CDK17: variants seen among roughly 807,000 people sequenced by gnomAD.
CDK17 encodes cyclin-dependent kinase 17.
Under a neutral mutation model 77.6 loss-of-function variants are expected in CDK17, and 24 were observed. The ratio of observed to expected loss-of-function variants is 0.31; its 90% CI spans 0.22 to 0.44. The LOEUF (loss-of-function observed/expected upper bound fraction) is 0.44. Ranked by LOEUF, CDK17 falls within the 20% of genes least tolerant of loss-of-function variation. The pLI is 1.00. For synonymous variants in CDK17, 203 were observed against 210.4 expected, an observed-to-expected ratio of 0.96 and a Z score of 0.30; for missense variants, 429 against 622.5, an observed-to-expected ratio of 0.69 and a Z score of 3.31.
intron 1 of CDK17, among the ~76,000 whole-genome samples, chr12:96,392,970 T>C (rs902659844): frequency 6.6e-6 from 1 of 152,182 alleles, no homozygotes; most frequent in African/African-American, 2.4e-5. Flanking sequence ...AATACAATAT[T>C]GAGGACGTAA....
At chr12:96,351,828 A>G (rs369629677) in intron 1 of CDK17, among the ~76,000 whole-genome samples, 1 of 152,334 alleles carries the variant, frequency 6.6e-6, no homozygotes, top group East Asian at 1.9e-4. Flanking sequence ...TATACCAATT[A>G]TGCTGAACAC....
intron 1 of CDK17, among the ~76,000 whole-genome samples, chr12:96,347,566 G>C (rs1295676959): frequency 8.5e-6 from 1 of 118,170 alleles, no homozygotes; most frequent in Non-Finnish European, 1.7e-5. Flanking sequence ...TCACAGAAAG[G>C]GGAAGGGAAG....
rs949365003 is a variant in CDK17 at position 96,368,813 on chromosome 12, G to T, written c.-30+31173C>A. The stretch of plus-strand genomic sequence containing the variant: ...AAAGAAGCTACTCTAAGACGGGGGG[G>T]GGGGGGGGGGGCACAATGAATAAGG... On this transcript the variant is annotated intron_variant, in intron 1 of 16. Coordinates refer to ENST00000261211, the MANE Select transcript of CDK17 (RefSeq NM_002595.5). Among the ~76,000 whole-genome samples the T allele has an allele frequency of 4.7e-4, 29 of 62,078 alleles. 3 individuals carry two copies. The highest frequency in any genetic ancestry group is 1.5e-3 in the African/African-American group (21 of 13,792). 40.7% of individuals were successfully genotyped at this position (62,078 alleles called of 152,430 possible).
chr12:96,399,322 T>A (rs1200044713), intron 1 of CDK17: 1 of 152,472 alleles, frequency 6.6e-6, no homozygotes. Context: ...ATCGGTTTGC[T>A]GGGTTTCCCA....
intron 1 of CDK17, among the ~76,000 whole-genome samples, chr12:96,353,202 C>T (rs1456042155): frequency 6.6e-6 from 1 of 152,162 alleles, no homozygotes; most frequent in Non-Finnish European, 1.5e-5. Context: ...TCCATCAGGC[C>T]ATACATGCTG....
At chr12:96,349,182 A>G (rs1324892087) in intron 1 of CDK17, among the ~76,000 whole-genome samples, 1 of 152,224 alleles carries the variant, frequency 6.6e-6, no homozygotes, top group Non-Finnish European at 1.5e-5. Flanking sequence ...AGCCAGGCGC[A>G]GTGGCTCACG....
chr12:96,358,729 G>C (rs977988196), intron 1 of CDK17, among the ~76,000 whole-genome samples: 2 of 152,192 alleles, frequency 1.3e-5, no homozygotes, highest in Admixed American at 1.3e-4. Flanking sequence ...GGAGGCTGAG[G>C]CAGGAGAATT....
intron 3 of CDK17, among the ~76,000 whole-genome samples, chr12:96,323,073 A>G (rs541934528): frequency 2.1e-4 from 32 of 152,286 alleles, no homozygotes; most frequent in African/African-American, 7.5e-4. Context: ...AACCCCAAGG[A>G]GCTTCAGTAA....
chr12:96,287,124 G>T (rs1444052652), intron 11 of CDK17, among the ~76,000 whole-genome samples: 2 of 152,156 alleles, frequency 1.3e-5, no homozygotes, highest in Non-Finnish European at 2.9e-5. Context: ...GGATTGAACA[G>T]CAAAGACAGG....
chr12:96,327,579 G>A (rs868084891), intron 2 of CDK17, among the ~76,000 whole-genome samples: 1 of 151,658 alleles, frequency 6.6e-6, no homozygotes, highest in African/African-American at 2.4e-5. Flanking sequence ...GCAGGGTCTT[G>A]CTCTGTTGCA....
intron 1 of CDK17, among the ~76,000 whole-genome samples, chr12:96,395,200 C>G (rs2137252705): frequency 6.6e-6 from 1 of 152,296 alleles, no homozygotes; most frequent in Non-Finnish European, 1.5e-5. Context: ...ATTTTTTTAG[C>G]ATCTTGATTT....
intron 4 of CDK17, among the ~76,000 whole-genome samples, chr12:96,312,787 T>C (rs192480960): frequency 3.3e-4 from 51 of 152,284 alleles, no homozygotes; most frequent in Non-Finnish European, 6.0e-4. Flanking sequence ...TTCTTCATCC[T>C]TTTACACGGA....
intron 1 of CDK17, chr12:96,399,177 G>C (rs1244850360): frequency 6.6e-6 from 1 of 152,326 alleles, no homozygotes; most frequent in African/African-American, 2.4e-5. Flanking sequence ...GTGACAGGAG[G>C]GAGGGAATCT....
intron 1 of CDK17, among the ~76,000 whole-genome samples, chr12:96,336,471 T>C (rs1428488923): frequency 1.3e-5 from 2 of 152,172 alleles, no homozygotes; most frequent in Non-Finnish European, 2.9e-5. Context: ...TCTTAAATAA[T>C]GTTTTTTAAT....
intron 1 of CDK17, among the ~76,000 whole-genome samples, chr12:96,374,661 T>A (rs1953749953): frequency 1.3e-5 from 2 of 152,084 alleles, no homozygotes; most frequent in Admixed American, 1.3e-4. Flanking sequence ...ACATCAGAGA[T>A]CTCAAGACTC....
chr12:96,280,312 A>T (rs1181071372), intron 16 of CDK17, 33 bp from the exon 17 acceptor site: 1 of 1,549,408 alleles, frequency 6.5e-7, no homozygotes, highest in Admixed American at 2.0e-5. Context: ...GAGGCAGTTC[A>T]AGGTTCAGTT....
chr12:96,355,670 T>C (rs576787907), intron 1 of CDK17, among the ~76,000 whole-genome samples: 1 of 152,290 alleles, frequency 6.6e-6, no homozygotes, highest in East Asian at 1.9e-4. Context: ...CCTCCCAAAG[T>C]GCTGGGATTA....
intron 1 of CDK17, among the ~76,000 whole-genome samples, chr12:96,342,776 C>T (rs1044744231): frequency 6.6e-6 from 1 of 152,036 alleles, no homozygotes; most frequent in African/African-American, 2.4e-5. Context: ...ACCGCCTGAT[C>T]AACATGGAGA....
At position 96,300,291 on chromosome 12, in the gene CDK17, G is replaced by T; in HGVS notation, c.600+13C>A. 6.5e-7 allele frequency: 1 copy of T among 1,547,824 alleles called. No homozygotes were observed. The highest frequency in any genetic ancestry group is 8.8e-7 in the Non-Finnish European group (1 of 1,131,488). On this transcript the variant is annotated intron_variant, in intron 6 of 16. Transcript: ENST00000261211. Reference sequence around the variant, plus strand: ...AAAAAAATGTGTCTTACATTTTTGAGATATTTACTTACCTCTCCAAGCTTT... The same window carrying T: ...AAAAAAATGTGTCTTACATTTTTGATATATTTACTTACCTCTCCAAGCTTT...
Sources: gnomAD v4.1 joint callset for allele counts (sites outside exome capture counted in the v4.1 genomes callset) on GRCh38, gnomAD v4.1.1 for gene constraint, MANE v1.5 for transcripts, NCBI Gene and HGNC (gene_info 2026-07-23, HGNC 2026-07-21) for gene names.